The following FSD2 variants were observed in gnomAD, a reference collection of about 807,000 sequenced individuals.
FSD2 encodes the protein fibronectin type III and SPRY domain-containing protein 2.
A neutral mutation model predicts 80.4 loss-of-function variants in FSD2; 71 were observed. The ratio of observed to expected loss-of-function variants is 0.88; its 90% confidence interval spans 0.73 to 1.08. The LOEUF (loss-of-function observed/expected upper bound fraction) is 1.08, where lower values mean the gene tolerates loss of function less well. Ranked by LOEUF, FSD2 falls within the 50% of genes least tolerant of loss-of-function variation. The pLI is 0.00. For missense variants in FSD2, 923 were observed against 913.8 expected (o/e 1.01, Z -0.13); for synonymous variants, 361 against 329.5 (o/e 1.10, Z -1.03).
chr15:82,803,085 C>T (rs887021664), intron 1 of FSD2, among the ~76,000 whole-genome samples: 1 of 152,026 alleles, frequency 6.6e-6, no homozygotes, highest in Non-Finnish European at 1.5e-5. Flanking sequence ...GATTATTACC[C>T]CATCTGGGGC....
chr15:82,773,446 T>C (rs1362077532), intron 6 of FSD2, among the ~76,000 whole-genome samples: 1 of 152,204 alleles, frequency 6.6e-6, no homozygotes, highest in African/African-American at 2.4e-5. Flanking sequence ...AGAAAATGTA[T>C]GGTTCTGGGA....
intron 1 of FSD2, among the ~76,000 whole-genome samples, chr15:82,795,041 T>C (rs190322573): frequency 8.4e-4 from 128 of 152,308 alleles, no homozygotes; most frequent in African/African-American, 3.0e-3. Context: ...TCTTTTCTAA[T>C]GACAGTGTAT....
At chr15:82,777,708 G>A (rs1047567321) in intron 6 of FSD2, among the ~76,000 whole-genome samples, 15 of 151,902 alleles carry the variant, frequency 9.9e-5, no homozygotes, top group African/African-American at 2.2e-4. Context: ...TTAGTGGAGC[G>A]TGGTGGCGGG....
At chr15:82,789,826 G>A (rs1567316821) in intron 1 of FSD2, among the ~76,000 whole-genome samples, 1 of 152,154 alleles carries the variant, frequency 6.6e-6, no homozygotes, top group Non-Finnish European at 1.5e-5. Context: ...GGAGGCTAAG[G>A]TGGGAGGATC....
intron 1 of FSD2, among the ~76,000 whole-genome samples, chr15:82,802,545 A>G (rs1159410559): frequency 6.6e-6 from 1 of 152,186 alleles, no homozygotes; most frequent in Admixed American, 6.5e-5. Context: ...ATGTCTTACC[A>G]TTAACAGCTG....
intron 4 of FSD2, among the ~76,000 whole-genome samples, chr15:82,780,877 A>G (rs2049839953): frequency 6.6e-6 from 1 of 152,142 alleles, no homozygotes; most frequent in Non-Finnish European, 1.5e-5. Flanking sequence ...TCCATACCAC[A>G]GTACTGCTTT....
At chr15:82,784,795 C>T (rs745556336) in intron 3 of FSD2, among the ~76,000 whole-genome samples, 66 of 152,054 alleles carry the variant, frequency 4.3e-4, no homozygotes, top group Non-Finnish European at 7.8e-4. Flanking sequence ...GTAGAGCATC[C>T]GCATGAAGAG....
At position 82,757,325 on chromosome 15, in the gene FSD2, G is replaced by A. The variant is rs1423733695; in HGVS notation, c.*2023C>T. On this transcript the variant is annotated 3_prime_UTR_variant, in exon 13 of 13. Coordinates refer to ENST00000334574, the MANE Select transcript of FSD2 (RefSeq NM_001007122.4). ...TCTGTGATATCCTGTTTCTTACTTG[G>A]TAGTTTCTATTTCAGTAGCTGAGAA... 2 of 149,298 alleles carry A rather than the reference G, an allele frequency of 1.3e-5. No homozygotes were observed. The highest frequency in any genetic ancestry group is 3.0e-5 in the Non-Finnish European group (2 of 67,466). The allele number at this position is 149,298 out of a possible 1,614,324, so 9.2% of individuals were successfully genotyped here.
At chr15:82,780,893 A>G (rs1239482182) in intron 4 of FSD2, among the ~76,000 whole-genome samples, 1 of 152,004 alleles carries the variant, frequency 6.6e-6, no homozygotes, top group Non-Finnish European at 1.5e-5. Flanking sequence ...GCTTTTCCCC[A>G]TCAACTTTGT....
chr15:82,790,742 A>ATT (rs56148573), intron 1 of FSD2, among the ~76,000 whole-genome samples: 29,593 of 132,454 alleles, frequency 0.22, 3,384 homozygotes, highest in Non-Finnish European at 0.24. Context: ...TGCCCAGCTA[A>ATT]TTTTTTTTTT....
intron 1 of FSD2, among the ~76,000 whole-genome samples, chr15:82,789,485 TG>T (rs1470069534): frequency 1.1e-4 from 17 of 152,300 alleles, no homozygotes; most frequent in Non-Finnish European, 1.8e-4. Context: ...CGACCCTATG[TG>T]GCAGGCACTG....
chr15:82,800,234 G>C (rs1219524883), intron 1 of FSD2, among the ~76,000 whole-genome samples: 1 of 152,146 alleles, frequency 6.6e-6, no homozygotes, highest in East Asian at 1.9e-4. Context: ...GCCTGCCCCA[G>C]TGCCCTCCAA....
At chr15:82,771,181 G>A (rs543877382) in intron 7 of FSD2, among the ~76,000 whole-genome samples, 106 of 152,222 alleles carry the variant, frequency 7.0e-4, no homozygotes, top group Admixed American at 2.4e-3. Context: ...GGTACAATGA[G>A]CAGAACTTGA....
chr15:82,777,462 AAG>A (rs1408685243), intron 6 of FSD2, among the ~76,000 whole-genome samples: 4 of 152,242 alleles, frequency 2.6e-5, no homozygotes, highest in Admixed American at 2.6e-4. Flanking sequence ...TTGTATATGA[AAG>A]AGTGCTCAAT....
chr15:82,778,912 AC>A, intron 5 of FSD2, 25 bp from the exon 6 acceptor site: 1 of 1,613,468 alleles, frequency 6.2e-7, no homozygotes, highest in Non-Finnish European at 8.5e-7. Context: ...AGACATGCTG[AC>A]TAGAATGGAG....
intron 6 of FSD2, among the ~76,000 whole-genome samples, chr15:82,775,080 G>A (rs761975813): frequency 1.8e-4 from 27 of 151,306 alleles, no homozygotes; most frequent in Non-Finnish European, 3.5e-4. Flanking sequence ...AAGCTCAGGG[G>A]GTCTGCAGGG....
intron 1 of FSD2, among the ~76,000 whole-genome samples, chr15:82,798,231 G>A (rs1184334480): frequency 6.6e-6 from 1 of 152,138 alleles, no homozygotes; most frequent in Admixed American, 6.6e-5. Context: ...TGCAGTCCCA[G>A]CTACTCGGGA....
chr15:82,783,481 G>A (rs559544621), intron 3 of FSD2, among the ~76,000 whole-genome samples: 1 of 152,266 alleles, frequency 6.6e-6, no homozygotes, highest in East Asian at 1.9e-4. Context: ...ATCTCTTGTT[G>A]GGAGTTGGAA....
intron 7 of FSD2, among the ~76,000 whole-genome samples, chr15:82,771,162 G>A (rs550810890): frequency 5.9e-5 from 9 of 152,266 alleles, no homozygotes; most frequent in African/African-American, 2.2e-4. Flanking sequence ...CCCTCCACCT[G>A]CATGGTCTGG....
Sources: gnomAD v4.1 joint callset for allele counts (sites outside exome capture counted in the v4.1 genomes callset) on GRCh38, gnomAD v4.1.1 for gene constraint, MANE v1.5 for transcripts, NCBI Gene and HGNC (gene_info 2026-07-23, HGNC 2026-07-21) for gene names.